The following PACRG variants were observed in gnomAD, a reference collection of about 807,000 sequenced individuals.
The protein encoded by PACRG is parkin coregulated, also known as parkin coregulated gene protein.
A neutral mutation model predicts 29.7 loss-of-function variants in PACRG; 29 were observed. The ratio of observed to expected loss-of-function variants is 0.98; its 90% CI spans 0.73 to 1.33. PACRG has a LOEUF of 1.33. PACRG is among the 40% of genes most tolerant of loss of function. The pLI is 0.00. For missense variants in PACRG, 279 were observed against 316.2 expected (o/e 0.88, Z 0.89); for synonymous variants, 116 against 118.7 (o/e 0.98, Z 0.15).
intron 4 of PACRG, among the ~76,000 whole-genome samples, chr6:163,220,554 A>G (rs1004217818): frequency 1.3e-5 from 2 of 152,248 alleles, no homozygotes; most frequent in Non-Finnish European, 2.9e-5. Context: ...AATGCCATAG[A>G]GTTTCCATAA....
chr6:163,097,033 A>C (rs955509145), intron 4 of PACRG, among the ~76,000 whole-genome samples: 1 of 152,190 alleles, frequency 6.6e-6, no homozygotes, highest in African/African-American at 2.4e-5. Context: ...AAGACAGTTT[A>C]GTTCCTTCCT....
At chr6:163,246,048 C>T (rs1379280737) in intron 4 of PACRG, among the ~76,000 whole-genome samples, 3 of 152,196 alleles carry the variant, frequency 2.0e-5, no homozygotes, top group Non-Finnish European at 2.9e-5. Context: ...CCCTCTGCTT[C>T]CGGGACAGCC....
intron 4 of PACRG, chr6:163,095,311 T>A: frequency 4.1e-6 from 4 of 985,122 alleles, no homozygotes; most frequent in Non-Finnish European, 4.8e-6. Flanking sequence ...GTAAATTACG[T>A]CTCTATGTGC....
At chr6:163,115,663 T>C (rs1209242657) in intron 4 of PACRG, among the ~76,000 whole-genome samples, 1 of 152,150 alleles carries the variant, frequency 6.6e-6, no homozygotes, top group Non-Finnish European at 1.5e-5. Context: ...AGGCTGCGAT[T>C]GCAATGTGAA....
intron 2 of PACRG, among the ~76,000 whole-genome samples, chr6:162,989,736 CT>C (rs1803258459): frequency 8.1e-6 from 1 of 123,328 alleles, no homozygotes; most frequent in African/African-American, 3.1e-5. Context: ...TTTTTTTTTT[CT>C]TTTCTTTTTT....
At chr6:162,776,719 A>G (rs1022652316) in intron 1 of PACRG, among the ~76,000 whole-genome samples, 4 of 152,304 alleles carry the variant, frequency 2.6e-5, no homozygotes, top group East Asian at 1.9e-4. Flanking sequence ...GGTTAATTTC[A>G]TAGTCAGTCT....
At chr6:163,186,653 C>G (rs886273684) in intron 4 of PACRG, among the ~76,000 whole-genome samples, 2 of 152,170 alleles carry the variant, frequency 1.3e-5, no homozygotes, top group African/African-American at 4.8e-5. Flanking sequence ...GGAGCCGTCG[C>G]GTGCAGGTGT....
At chr6:163,217,795 C>A (rs1247356212) in intron 4 of PACRG, among the ~76,000 whole-genome samples, 1 of 151,746 alleles carries the variant, frequency 6.6e-6, no homozygotes, top group African/African-American at 2.4e-5. Context: ...GAATCTAATG[C>A]CTGATGATCT....
intron 4 of PACRG, among the ~76,000 whole-genome samples, chr6:163,198,035 G>C (rs748998613): frequency 6.6e-6 from 1 of 152,208 alleles, no homozygotes; most frequent in Non-Finnish European, 1.5e-5. Flanking sequence ...GTGTTTATCT[G>C]TGAGCCCCAG....
chr6:163,092,248 C>T (rs1007933742), intron 4 of PACRG, among the ~76,000 whole-genome samples: 1 of 152,184 alleles, frequency 6.6e-6, no homozygotes, highest in African/African-American at 2.4e-5. Flanking sequence ...ACATGAACTT[C>T]CTCTGAAATA....
intron 4 of PACRG, among the ~76,000 whole-genome samples, chr6:163,165,169 G>A (rs1778739996): frequency 6.6e-6 from 1 of 152,204 alleles, no homozygotes; most frequent in South Asian, 2.1e-4. Context: ...AAAAGCTTTA[G>A]AAAGGTCTGA....
intron 2 of PACRG, among the ~76,000 whole-genome samples, chr6:162,986,927 AT>A (rs140335831): frequency 1.3e-5 from 2 of 150,444 alleles, no homozygotes; most frequent in Non-Finnish European, 1.5e-5. Context: ...CTTATCCTGT[AT>A]TTTTTTTCAA....
At chr6:163,104,173 A>C (rs9295209) in intron 4 of PACRG, among the ~76,000 whole-genome samples, 1 of 152,154 alleles carries the variant, frequency 6.6e-6, no homozygotes, top group African/African-American at 2.4e-5. Context: ...ATCAATTTCT[A>C]TTGTGGAGTA....
intron 2 of PACRG, among the ~76,000 whole-genome samples, chr6:163,050,072 AAG>A (rs1809837036): frequency 6.6e-6 from 1 of 152,132 alleles, no homozygotes; most frequent in South Asian, 2.1e-4. Context: ...CTCTTTTAAT[AAG>A]AGAATTTAAT....
At chr6:162,821,424 A>G (rs1294831220) in intron 2 of PACRG, among the ~76,000 whole-genome samples, 1 of 152,208 alleles carries the variant, frequency 6.6e-6, no homozygotes, top group African/African-American at 2.4e-5. Flanking sequence ...CAGGGACCCA[A>G]GGGAAACAAG....
At chr6:163,247,108 C>G (rs1421811368) in intron 4 of PACRG, among the ~76,000 whole-genome samples, 1 of 152,180 alleles carries the variant, frequency 6.6e-6, no homozygotes, top group Admixed American at 6.5e-5. Context: ...GAATAGAGTG[C>G]TCTGGTATCC....
At chr6:163,121,614 T>G (rs904056678) in intron 4 of PACRG, among the ~76,000 whole-genome samples, 2 of 151,698 alleles carry the variant, frequency 1.3e-5, no homozygotes, top group Non-Finnish European at 2.9e-5. Context: ...CTCATTTTCC[T>G]AAGTTTATTT....
chr6:162,989,829 C>G (rs551422974), intron 2 of PACRG, among the ~76,000 whole-genome samples: 4 of 151,378 alleles, frequency 2.6e-5, no homozygotes, highest in Non-Finnish European at 5.9e-5. Context: ...TGCTGGTGCG[C>G]TGCACCCACT....
intron 4 of PACRG, among the ~76,000 whole-genome samples, chr6:163,231,419 A>G (rs1782039290): frequency 6.6e-6 from 1 of 152,142 alleles, no homozygotes; most frequent in Non-Finnish European, 1.5e-5. Context: ...CAGTCCCCAG[A>G]TGGGCTTGCT....
Sources: gnomAD v4.1 joint callset for allele counts (sites outside exome capture counted in the v4.1 genomes callset) on GRCh38, gnomAD v4.1.1 for gene constraint, MANE v1.5 for transcripts, NCBI Gene and HGNC (gene_info 2026-07-23, HGNC 2026-07-21) for gene names.